The following AKR1C3 variants were observed in gnomAD, a reference collection of about 807,000 sequenced individuals.
AKR1C3 encodes the protein 3-alpha hydroxysteroid dehydrogenase, type II.
AKR1C3 carries 48 observed loss-of-function variants against 43.6 expected under a neutral mutation model. The observed-to-expected ratio is 1.10, with a 90% CI of 0.87 to 1.40. The LOEUF (loss-of-function observed/expected upper bound fraction) is 1.40, where lower values mean the gene tolerates loss of function less well. Among genes scored for constraint, AKR1C3 ranks in the 40% most tolerant of loss-of-function variants. The pLI is 0.00. For missense variants in AKR1C3, 482 were observed against 391.2 expected, an observed-to-expected ratio of 1.23 and a Z score of -1.96; for synonymous variants, 162 against 139.6, an observed-to-expected ratio of 1.16 and a Z score of -1.13.
rs544979471 is a variant in AKR1C3 at position 5,055,243 on chromosome 10, A to C, written c.84+6348A>C. 1.2e-4 allele frequency among the ~76,000 whole-genome samples: 19 copies of C among 152,242 alleles called. 1 individual carries two copies. The highest frequency in any genetic ancestry group is 2.5e-4 in the Non-Finnish European group (17 of 68,040). ...CTGTATATAGGTTAAGGTCAGGATT[A>C]GTTGAGGGGACTTCTAAGAGATCAT... On this transcript the variant is annotated intron_variant, in intron 1 of 8. Transcript: ENST00000439082.
At chr10:5,052,711 G>T (rs782470793) in intron 1 of AKR1C3, among the ~76,000 whole-genome samples, 1 of 151,810 alleles carries the variant, frequency 6.6e-6, no homozygotes, top group African/African-American at 2.4e-5. Flanking sequence ...AGAAACAAAG[G>T]TTCTCCACGT....
rs782445635 is a variant in AKR1C3 at position 5,097,559 on chromosome 10, T to TTTGTATGAG, written c.369+10_369+18dup. 3.1e-6 allele frequency: 5 copies of TTTGTATGAG among 1,613,360 alleles called. No homozygotes were observed. In the South Asian group the frequency reaches 5.5e-5, roughly 18 times the overall value. Reference sequence around the variant, plus strand: ...CTCCAATGTCTCTAAAGGTATGCAGTTTGTATGAGCATAAAATTGCGCTTC... The same window carrying TTTGTATGAG: ...CTCCAATGTCTCTAAAGGTATGCAGTTTGTATGAGTTGTATGAGCATAAAATTGCGCTTC... On this transcript the variant is annotated intron_variant, in intron 3 of 8. Coordinates refer to ENST00000380554, the MANE Select transcript of AKR1C3 (RefSeq NM_003739.6).
intron 1 of AKR1C3, among the ~76,000 whole-genome samples, chr10:5,049,884 G>A (rs868924625): frequency 2.6e-5 from 4 of 152,192 alleles, no homozygotes; most frequent in Admixed American, 1.3e-4. Flanking sequence ...GTCAGTGTGG[G>A]TTAACCTGTG....
rs185722887 is a variant in AKR1C3, at chr10:5,051,070, G to T, written c.84+2175G>T. On this transcript the variant is annotated intron_variant, in intron 1 of 8. Transcript: ENST00000439082. ...GCAGATGTACAGGAATGTTTTTGAA[G>T]ATTTGACTGTGTGTGTGTTTTGTTT... Among the ~76,000 whole-genome samples, 8 of 151,858 alleles carry T rather than the reference G, an allele frequency of 5.3e-5. No homozygotes were observed. In the East Asian group the frequency reaches 1.4e-3, roughly 26 times the overall value.
At chr10:5,087,013 C>G (rs1838981241) in intron 1 of AKR1C3, among the ~76,000 whole-genome samples, 1 of 152,178 alleles carries the variant, frequency 6.6e-6, no homozygotes, top group Non-Finnish European at 1.5e-5. Context: ...TGGGTCTTGA[C>G]TCTTTATCCA....
chr10:5,087,594 T>G (rs1838999186), intron 1 of AKR1C3, among the ~76,000 whole-genome samples: 1 of 151,988 alleles, frequency 6.6e-6, no homozygotes, highest in Admixed American at 6.6e-5. Context: ...CAGGCTAGTC[T>G]CGAACTCTTG....
chr10:5,082,429 A>G (rs1838857217), intron 1 of AKR1C3, among the ~76,000 whole-genome samples: 1 of 152,106 alleles, frequency 6.6e-6, no homozygotes, highest in Non-Finnish European at 1.5e-5. Flanking sequence ...AATTTGTCCT[A>G]GATGTCCCTT....
chr10:5,084,290 C>T (rs1393956760), intron 1 of AKR1C3, among the ~76,000 whole-genome samples: 1 of 151,694 alleles, frequency 6.6e-6, no homozygotes, highest in Non-Finnish European at 1.5e-5. Context: ...CAGCTTTCTA[C>T]ATGTGGCTAG....
At position 5,103,920 on chromosome 10, in the gene AKR1C3, T is replaced by A. The variant is rs151331287; in HGVS notation, c.846+1270T>A. On this transcript the variant is annotated intron_variant, in intron 7 of 8. Coordinates refer to ENST00000380554, the MANE Select transcript of AKR1C3 (RefSeq NM_003739.6). Reference sequence around the variant, plus strand: ...CTATGATGGATTAATATATGATAGGTTAATATATATGATAGATTGATATAT... The same window carrying A: ...CTATGATGGATTAATATATGATAGGATAATATATATGATAGATTGATATAT... 4.0e-3 allele frequency among the ~76,000 whole-genome samples: 600 copies of A among 151,806 alleles called. 11 individuals carry two copies. Among genetic ancestry groups the A allele is most frequent in the African/African-American group, 0.014 (570 of 41,158 alleles).
chr10:5,090,078 C>T (rs1839054845), upstream of AKR1C3, among the ~76,000 whole-genome samples: 1 of 152,058 alleles, frequency 6.6e-6, no homozygotes, highest in Non-Finnish European at 1.5e-5. Context: ...TAAGAGCCAG[C>T]TGTGCCAAAG....
At chr10:5,090,648 C>G (rs1256614919), upstream of AKR1C3, among the ~76,000 whole-genome samples, 1 of 152,072 alleles carries the variant, frequency 6.6e-6, no homozygotes, top group African/African-American at 2.4e-5. Context: ...GTGTTGGTAT[C>G]AGCTATATTG....
chr10:5,066,002 C>G (rs188582116), intron 1 of AKR1C3, among the ~76,000 whole-genome samples: 39 of 152,116 alleles, frequency 2.6e-4, no homozygotes, highest in Non-Finnish European at 1.0e-4. Context: ...CCTTGATGGC[C>G]AGGGGTGGTG....
At chr10:5,067,891 G>C (rs1456304151) in intron 1 of AKR1C3, among the ~76,000 whole-genome samples, 2 of 152,132 alleles carry the variant, frequency 1.3e-5, no homozygotes, top group East Asian at 3.9e-4. Context: ...GGTTCTCCAT[G>C]AGTCTAAACT....
Position 5,083,646 on chromosome 10 carries a change from T to C in AKR1C3, c.85-12764T>C, listed in dbSNP as rs1318339142. On this transcript the variant is annotated intron_variant, in intron 1 of 8. Transcript: ENST00000439082. ...TTTCTAGTTCTAGATCCCTGAGCAA[T>C]CGCCACACTGACTTCCACAATGGTT... Among the ~76,000 whole-genome samples the C allele has an allele frequency of 5.3e-5, 8 of 152,318 alleles. No homozygotes were observed. In the South Asian group the frequency reaches 8.3e-4, roughly 16 times the overall value.
rs144493319 is a variant in AKR1C3 at position 5,099,412 on chromosome 10, A to T, written c.533A>T (p.Asn178Ile). ...CGCAGGCAGCTGGAGATGATCCTCA[A>T]CAAGCCAGGACTCAAGTACAAGCCT... The part of the protein sequence containing the change: ...FNRRQLEMIL[N>I]KPGLKYKPVC... Residue 178 changes from asparagine (N) to isoleucine (I), a missense_variant, in exon 5 of 9, where the codon AAC becomes ATC. Physicochemically the swap from Asn to Ile is moderately radical, Grantham distance 149 (BLOSUM62 -3). Transcript: ENST00000380554. 2.2e-5 allele frequency: 36 copies of T among 1,614,044 alleles called. No homozygotes were observed. The Admixed American group carries it at 3.7e-4, about 16-fold the overall frequency.
At chr10:5,081,946 A>G (rs1838847020) in intron 1 of AKR1C3, 1 of 152,226 alleles carries the variant, frequency 6.6e-6, no homozygotes, top group Admixed American at 6.5e-5. Context: ...CCAAGTTGCA[A>G]GAGAGAAGTA....
At chr10:5,088,767 T>C (rs1028699441) in intron 1 of AKR1C3, among the ~76,000 whole-genome samples, 5 of 151,988 alleles carry the variant, frequency 3.3e-5, no homozygotes, top group Admixed American at 6.6e-5. Context: ...TTTTCTGTTC[T>C]ATTTCTTTTA....
At chr10:5,096,125 G>A in intron 1 of AKR1C3, 1 of 276,232 alleles carries the variant, frequency 3.6e-6, no homozygotes. Flanking sequence ...AAATAATTAG[G>A]ACTATTTCAG....
At chr10:5,104,734 T>C (rs1564372503) in intron 7 of AKR1C3, among the ~76,000 whole-genome samples, 1 of 152,146 alleles carries the variant, frequency 6.6e-6, no homozygotes, top group African/African-American at 2.4e-5. Context: ...AAATGGCCTT[T>C]TAATATATAT....
Sources: allele counts gnomAD v4.1 joint callset (sites outside exome capture counted in the v4.1 genomes callset), GRCh38; gene constraint gnomAD v4.1.1; transcripts MANE v1.5; gene names NCBI Gene and HGNC (gene_info 2026-07-23, HGNC 2026-07-21).